SIN3A: variants seen among roughly 807,000 people sequenced by gnomAD.
The protein encoded by SIN3A is paired amphipathic helix protein Sin3a.
In SIN3A, 14 loss-of-function variants were observed where a neutral mutation model predicts 146.1. The observed-to-expected ratio is 0.10, with a 90% CI of 0.06 to 0.15. The LOEUF (loss-of-function observed/expected upper bound fraction) is 0.15, where lower values mean the gene tolerates loss of function less well. Among genes scored for constraint, SIN3A ranks in the 10% least tolerant of loss-of-function variants. SIN3A has a pLI of 1.00. For synonymous variants in SIN3A, 572 were observed against 572.0 expected (o/e 1.00, Z 0.00); for missense variants, 1,028 against 1,576.0 (o/e 0.65, Z 5.89).
chr15:75,422,455 T>C, intron 3 of SIN3A, 192 bp downstream of exon 3: 1 of 659,680 alleles, frequency 1.5e-6, no homozygotes, highest in Non-Finnish European at 2.7e-6. Flanking sequence ...TTTGAGTATA[T>C]TCTTCTCTGG....
chr15:75,452,194 T>C (rs1190023315), upstream of SIN3A, among the ~76,000 whole-genome samples: 1 of 151,420 alleles, frequency 6.6e-6, no homozygotes, highest in East Asian at 1.9e-4. Flanking sequence ...GCCCCAAGAG[T>C]CGGATTGGAT....
chr15:75,391,653 T>C (rs1197337880), intron 15 of SIN3A, among the ~76,000 whole-genome samples: 1 of 152,154 alleles, frequency 6.6e-6, no homozygotes, highest in African/African-American at 2.4e-5. Context: ...CAAAATTACA[T>C]AAAGCACATG....
intron 2 of SIN3A, among the ~76,000 whole-genome samples, chr15:75,427,971 C>CA (rs1466133569): frequency 6.7e-6 from 1 of 149,304 alleles, no homozygotes; most frequent in Non-Finnish European, 1.5e-5. Context: ...AACTCCATCT[C>CA]AAAATAAATA....
Position 75,375,702 on chromosome 15 carries a change from T to C in SIN3A, c.3554A>G (p.Tyr1185Cys). The change falls in exon 20 of 21, where the codon TAT becomes TGT. Residue 1185 changes from tyrosine (Y) to cysteine (C), a missense_variant. Coordinates refer to ENST00000394947, the MANE Select transcript of SIN3A (RefSeq NM_001145358.2). Reference sequence around the variant, plus strand: ...GAGCAGGGCGGTCCTCCGATACATATAGTCCTCTGATTTGATCACATACAC... The same window carrying C: ...GAGCAGGGCGGTCCTCCGATACATACAGTCCTCTGATTTGATCACATACAC... Reference protein sequence around the residue: ...KMVYVIKSEDYMYRRTALLRA... With the variant: ...KMVYVIKSEDCMYRRTALLRA... The C allele has an allele frequency of 6.2e-7, 1 of 1,614,174 alleles. No homozygotes were observed. Among genetic ancestry groups the C allele is most frequent in the South Asian group, 1.1e-5 (1 of 91,082 alleles).
rs367732932 is a variant in SIN3A, at chr15:75,372,042, G to T, written c.3759C>A (p.Thr1253=). 10 of 1,614,002 alleles carry T rather than the reference G, an allele frequency of 6.2e-6. No homozygotes were observed. The highest frequency in any genetic ancestry group is 8.5e-6 in the Non-Finnish European group (10 of 1,180,038). ...ACTTGTTAATGCTCACAAAATGCAGGGTCTCTGTATCACAGGTGGTGGTAC... is the reference window on the plus strand; with the variant it reads ...ACTTGTTAATGCTCACAAAATGCAGTGTCTCTGTATCACAGGTGGTGGTAC... ...VPCTTTCDTE[T]LHFVSINKYR... is the part of the protein sequence containing the mutation. The change falls in exon 21 of 21, where the codon ACC becomes ACA. Residue 1253 remains threonine, a synonymous_variant. Transcript: ENST00000394947.
intron 4 of SIN3A, among the ~76,000 whole-genome samples, chr15:75,413,879 A>T (rs922714637): frequency 6.6e-6 from 1 of 152,160 alleles, no homozygotes; most frequent in Admixed American, 6.5e-5. Flanking sequence ...GATGAGTTAC[A>T]CTCTTACAAC....
Position 75,375,833 on chromosome 15 carries a change from C to T in SIN3A, c.3423G>A (p.Glu1141=). 1.2e-6 allele frequency: 2 copies of T among 1,614,162 alleles called. No individual in the cohort carries two copies. The highest frequency in any genetic ancestry group is 1.7e-6 in the Non-Finnish European group (2 of 1,180,040). ...CTTCCTTCCCTTCCTTTTCCTGCTG[C>T]TCTCGACCACGTTGACACTTCCGGA... ...RRIRKCQRGR[E]QQEKEGKEGN... Residue 1141 remains glutamate, a synonymous_variant, in exon 20 of 21, where the codon GAG becomes GAA. Transcript: ENST00000394947.
upstream of SIN3A, among the ~76,000 whole-genome samples, chr15:75,451,899 ACT>A (rs2074418277): frequency 6.6e-6 from 1 of 150,714 alleles, no homozygotes; most frequent in Non-Finnish European, 1.5e-5. Flanking sequence ...AGCTTCCCTA[ACT>A]CAACCCCGCC....
chr15:75,454,360 T>C (rs890673304), upstream of SIN3A, among the ~76,000 whole-genome samples: 3 of 152,008 alleles, frequency 2.0e-5, no homozygotes, highest in Non-Finnish European at 1.5e-5. Context: ...TCAGCTCCCC[T>C]GCAGGCGGGT....
intron 9 of SIN3A, among the ~76,000 whole-genome samples, chr15:75,406,692 A>T (rs1336973133): frequency 6.6e-6 from 1 of 152,240 alleles, no homozygotes; most frequent in African/African-American, 2.4e-5. Flanking sequence ...TCTCAAAAAA[A>T]AAAAGATTAC....
chr15:75,377,968 T>C (rs538325197), intron 19 of SIN3A, among the ~76,000 whole-genome samples: 1 of 152,326 alleles, frequency 6.6e-6, no homozygotes, highest in Non-Finnish European at 1.5e-5. Context: ...CAAGCAAAAC[T>C]ATGAATTTTG....
rs754957092 is a variant in SIN3A, at chr15:75,430,323, C to T, written c.53G>A (p.Arg18His). The change falls in exon 2 of 21, where the codon CGT (arginine) becomes CAT (histidine). Residue 18 changes from arginine to histidine, a missense_variant. Transcript: ENST00000394947. ...QESPVYAAQQ[R>H]RIPGSTEAFP... ...AGCCTCTGTGCTGCCAGGGATCCGA[C>T]GCTGCTGGGCTGCATACACCGGTGA... The T allele has an allele frequency of 4.3e-6, 7 of 1,614,138 alleles. No homozygotes were observed. In the South Asian group the frequency reaches 4.4e-5, roughly 10 times the overall value.
intron 9 of SIN3A, among the ~76,000 whole-genome samples, chr15:75,403,549 T>C (rs193180151): frequency 3.2e-3 from 480 of 151,982 alleles, no homozygotes; most frequent in Admixed American, 5.3e-3. Flanking sequence ...CTTTTTCTTT[T>C]TTTTTTTTGA....
At chr15:75,396,659 C>T (rs2073310571) in intron 12 of SIN3A, among the ~76,000 whole-genome samples, 163 bp from the exon 13 acceptor site, 1 of 152,200 alleles carries the variant, frequency 6.6e-6, no homozygotes, top group Non-Finnish European at 1.5e-5. Flanking sequence ...ATAGGGATAA[C>T]AGCACCTATT....
intron 4 of SIN3A, 147 bp from the exon 5 acceptor site, chr15:75,413,192 C>T (rs2073675329): frequency 4.4e-6 from 3 of 682,702 alleles, no homozygotes; most frequent in Non-Finnish European, 6.8e-6. Context: ...GGGGTCTTGG[C>T]TCACTGCAAC....
intron 20 of SIN3A, among the ~76,000 whole-genome samples, chr15:75,372,922 T>C (rs2072781144): frequency 6.6e-6 from 1 of 151,976 alleles, no homozygotes; most frequent in African/African-American, 2.4e-5. Flanking sequence ...TAATGTATCC[T>C]GGGTAGGACC....
intron 1 of SIN3A, among the ~76,000 whole-genome samples, chr15:75,451,071 C>T (rs1045842944): frequency 2.0e-5 from 3 of 151,342 alleles, no homozygotes; most frequent in African/African-American, 7.3e-5. Flanking sequence ...AGCCCGAGGC[C>T]CCGCCCACCC....
In SIN3A at chr15:75,381,392, T is replaced by C. The variant is rs536046537; in HGVS notation, c.3288+221A>G. Among the ~76,000 whole-genome samples the C allele has an allele frequency of 1.1e-4, 16 of 152,338 alleles. No homozygotes were observed. The East Asian group carries it at 2.3e-3, about 22-fold the overall frequency. On this transcript the variant is annotated intron_variant, in intron 18 of 20. Transcript: ENST00000394947. ...AACCATAAGACTTCCTTAGAGGAGA[T>C]AGCTTTACTAAGTGCAAGATGAGGT...
rs541822790 is a variant in SIN3A, at chr15:75,396,552, G to A, written c.1855-56C>T. 110 of 1,260,608 alleles carry A rather than the reference G, an allele frequency of 8.7e-5. No individual in the cohort carries two copies. The African/African-American group carries it at 1.4e-3, about 15-fold the overall frequency. 78.1% of individuals were successfully genotyped at this position (1,260,608 alleles called of 1,614,324 possible). On this transcript the variant is annotated intron_variant, in intron 12 of 20. Transcript: ENST00000394947. ...AGGACCCAAATCAAAATAGAATAGA[G>A]TAGTGTTTAGAAGAATAAGGTAGGG... is the stretch of plus-strand genomic sequence containing the variant.
Sources: gnomAD v4.1 joint callset for allele counts (sites outside exome capture counted in the v4.1 genomes callset) on GRCh38, gnomAD v4.1.1 for gene constraint, MANE v1.5 for transcripts, NCBI Gene and HGNC (gene_info 2026-07-23, HGNC 2026-07-21) for gene names.